Variants in PCCB observed in about 807,000 individuals in gnomAD.
PCCB encodes the protein propionyl-CoA carboxylase beta chain, mitochondrial.
In PCCB, 43 loss-of-function variants were observed where a neutral mutation model predicts 60.7. The ratio of observed to expected loss-of-function variants is 0.71; its 90% CI spans 0.55 to 0.91. The LOEUF (loss-of-function observed/expected upper bound fraction) is 0.91, where lower values mean the gene tolerates loss of function less well. Ranked by LOEUF, PCCB falls within the 40% of genes least tolerant of loss-of-function variation. PCCB has a pLI of 0.00. For missense variants in PCCB, 766 were observed against 702.8 expected (o/e 1.09, Z -1.02); for synonymous variants, 276 against 255.9 (o/e 1.08, Z -0.75).
chr3:136,320,812 TTTTA>T (rs1230947927), intron 10 of PCCB, among the ~76,000 whole-genome samples: 1 of 152,194 alleles, frequency 6.6e-6, no homozygotes, highest in Non-Finnish European at 1.5e-5. Context: ...TTTGGATGCT[TTTTA>T]TTTTTCTTGT....
intron 9 of PCCB, 38 bp downstream of exon 9, chr3:136,301,149 A>G (rs1293641940): frequency 6.6e-7 from 1 of 1,518,326 alleles, no homozygotes; most frequent in South Asian, 1.1e-5. Flanking sequence ...TGTCCTAGTC[A>G]GCCACATTCA....
intron 3 of PCCB, chr3:136,259,227 G>T: frequency 8.1e-7 from 1 of 1,231,860 alleles, no homozygotes; most frequent in South Asian, 1.9e-5. Context: ...AGCACTTTGG[G>T]AGGCCGAGGT....
At chr3:136,298,196 C>T (rs1934024223) in intron 8 of PCCB, 124 bp downstream of exon 8, 1 of 1,161,896 alleles carries the variant, frequency 8.6e-7, no homozygotes, top group South Asian at 1.2e-5. Flanking sequence ...GAGTGGCTCC[C>T]AGGTGTGGGG....
Position 136,306,770 on chromosome 3 carries a change from C to G in PCCB, c.966+5659C>G, listed in dbSNP as rs1934463449. 1.6e-5 allele frequency among the ~76,000 whole-genome samples: 2 copies of G among 121,834 alleles called. 1 individual carries two copies. 79.9% of individuals were successfully genotyped at this position (121,834 alleles called of 152,430 possible). ...ACAATGAAAGGCAAAGAAGAATGAA[C>G]ATACATATAATTGGAGTGTCTGAAG... is the stretch of plus-strand genomic sequence containing the variant. On this transcript the variant is annotated intron_variant, in intron 9 of 14. Transcript: ENST00000251654.
At chr3:136,303,506 T>G (rs1934359298) in intron 9 of PCCB, among the ~76,000 whole-genome samples, 2 of 122,912 alleles carry the variant, frequency 1.6e-5, no homozygotes, top group African/African-American at 5.0e-5. Flanking sequence ...TTTGAGTTTC[T>G]GCATTGATAT....
chr3:136,285,468 C>A lies in PCCB; in HGVS notation c.654+1521C>A, dbSNP rs564496101. ...AAAACTGTCCTCTAGTTGGCATACT[C>A]CTGTAGCTCTTGCTGTGTTTCTCTC... is the stretch of plus-strand genomic sequence containing the variant. On this transcript the variant is annotated intron_variant, in intron 6 of 14. Transcript: ENST00000251654. Among the ~76,000 whole-genome samples the A allele has an allele frequency of 4.6e-5, 7 of 152,250 alleles. No homozygotes were observed. The South Asian group carries it at 1.5e-3, about 32-fold the overall frequency.
intron 6 of PCCB, among the ~76,000 whole-genome samples, chr3:136,290,653 C>T (rs559560857): frequency 1.7e-5 from 2 of 117,394 alleles, no homozygotes; most frequent in African/African-American, 6.8e-5. Context: ...CACCACTACA[C>T]CTAGCTTTCT....
intron 5 of PCCB, among the ~76,000 whole-genome samples, chr3:136,273,688 G>A (rs533509829): frequency 9.7e-5 from 14 of 144,850 alleles, no homozygotes; most frequent in African/African-American, 2.3e-4. Context: ...CAAGACGGGC[G>A]GATCGCGAGG....
chr3:136,280,748 C>T (rs903080661), intron 5 of PCCB, among the ~76,000 whole-genome samples: 1 of 152,150 alleles, frequency 6.6e-6, no homozygotes, highest in African/African-American at 2.4e-5. Context: ...GCAGCATTGA[C>T]CTTATAGGAT....
chr3:136,254,162 C>T (rs913026548), intron 1 of PCCB, among the ~76,000 whole-genome samples: 3 of 151,756 alleles, frequency 2.0e-5, no homozygotes, highest in African/African-American at 7.3e-5. Context: ...GGACGGTAGG[C>T]TAGGGTATTT....
intron 9 of PCCB, among the ~76,000 whole-genome samples, chr3:136,312,096 A>G (rs1388992214): frequency 6.6e-6 from 1 of 152,246 alleles, no homozygotes; most frequent in Non-Finnish European, 1.5e-5. Flanking sequence ...AGACCAGTGG[A>G]ATAGAATAAA....
At chr3:136,279,183 A>G (rs1024821837) in intron 5 of PCCB, among the ~76,000 whole-genome samples, 5 of 152,080 alleles carry the variant, frequency 3.3e-5, no homozygotes, top group Admixed American at 3.3e-4. Context: ...ATGTCTTTGT[A>G]TCTAAAGTGA....
rs761030422 is a variant in PCCB at position 136,250,450 on chromosome 3, C to G, written c.75C>G (p.Val25=). Reference sequence around the variant, plus strand: ...TGGCGAGCGGTCTCCGCGCCGCGGTCCGCAGCCTTTGCAGCCAGGCCACCT... The same window carrying G: ...TGGCGAGCGGTCTCCGCGCCGCGGTGCGCAGCCTTTGCAGCCAGGCCACCT... ...SVLASGLRAA[V]RSLCSQATSV... is the part of the protein sequence containing the mutation. The change falls in exon 1 of 15, where the codon GTC becomes GTG. Residue 25 remains valine (V), a synonymous_variant. Coordinates refer to ENST00000251654, the MANE Select transcript of PCCB (RefSeq NM_000532.5). 2 of 1,605,344 alleles carry G rather than the reference C, an allele frequency of 1.2e-6. No homozygotes were observed. Among genetic ancestry groups the G allele is most frequent in the Non-Finnish European group, 1.7e-6 (2 of 1,176,240 alleles).
chr3:136,321,674 A>G (rs767859880), intron 10 of PCCB, among the ~76,000 whole-genome samples: 1 of 152,202 alleles, frequency 6.6e-6, no homozygotes, highest in Non-Finnish European at 1.5e-5. Context: ...ACACATGGGG[A>G]TTACAGCTTC....
Position 136,308,321 on chromosome 3 carries a change from C to T in PCCB, c.966+7210C>T, listed in dbSNP as rs371940792. 1.5e-4 allele frequency among the ~76,000 whole-genome samples: 22 copies of T among 150,682 alleles called. No homozygotes were observed. In the South Asian group the frequency reaches 4.6e-3, roughly 32 times the overall value. ...CAATCTCAGCCCACCGCAACTTCCA[C>T]CTCCCAGGTTCAAGTGATTCTCCTG... On this transcript the variant is annotated intron_variant, in intron 9 of 14. Coordinates refer to ENST00000251654, the MANE Select transcript of PCCB (RefSeq NM_000532.5).
chr3:136,297,151 G>T (rs572437125), intron 7 of PCCB, among the ~76,000 whole-genome samples: 3 of 152,320 alleles, frequency 2.0e-5, no homozygotes, highest in South Asian at 2.1e-4. Flanking sequence ...TGATATGTAA[G>T]TGGGGAGCAT....
Position 136,317,040 on chromosome 3 carries a change from G to A in PCCB, c.1066G>A (p.Gly356Ser). ...RMNGRTVGIV[G>S]NQPKVASGCL... ...GAATGGGAGGACTGTTGGAATTGTT[G>A]GCAACCAACCTAAGGTGGCCTCAGG... Residue 356 changes from glycine to serine, a missense_variant, in exon 10 of 15, where the codon GGC (glycine) becomes AGC (serine). Gly to Ser is a moderately conservative substitution (Grantham distance 56). Coordinates refer to ENST00000251654, the MANE Select transcript of PCCB (RefSeq NM_000532.5). 1 of 1,613,956 alleles carries A rather than the reference G, an allele frequency of 6.2e-7. No homozygotes were observed. The highest frequency in any genetic ancestry group is 8.5e-7 in the Non-Finnish European group (1 of 1,179,986).
At chr3:136,294,629 G>T (rs1382318795) in intron 7 of PCCB, among the ~76,000 whole-genome samples, 3 of 149,216 alleles carry the variant, frequency 2.0e-5, no homozygotes, top group Non-Finnish European at 4.5e-5. Flanking sequence ...TTTTGTTTTT[G>T]AGATAGGGTC....
chr3:136,269,195 C>T (rs572075262), intron 5 of PCCB, among the ~76,000 whole-genome samples: 12 of 152,170 alleles, frequency 7.9e-5, no homozygotes, highest in South Asian at 2.1e-4. Context: ...GCAGGAGAAT[C>T]GCTTGAATCC....
Sources: gnomAD v4.1 joint callset for allele counts (sites outside exome capture counted in the v4.1 genomes callset) on GRCh38, gnomAD v4.1.1 for gene constraint, MANE v1.5 for transcripts, NCBI Gene and HGNC (gene_info 2026-07-23, HGNC 2026-07-21) for gene names.